Variants in CYRIA observed in about 807,000 individuals in gnomAD.
CYRIA encodes CYFIP related Rac1 interactor A, also known as CYFIP-related Rac1 interactor A.
A neutral mutation model predicts 43.9 loss-of-function variants in CYRIA; 15 were observed. The ratio of observed to expected loss-of-function variants is 0.34; its 90% CI spans 0.23 to 0.53. The LOEUF is 0.53. CYRIA is among the 20% of genes least tolerant of loss of function. The probability of loss-of-function intolerance (pLI) is 0.94; values close to 1 mark genes in which losing one functional copy is unlikely to be tolerated. For synonymous variants in CYRIA, 117 were observed against 136.0 expected, an observed-to-expected ratio of 0.86 and a Z score of 0.97; for missense variants, 236 against 394.2, an observed-to-expected ratio of 0.60 and a Z score of 3.40.
chr2:16,655,303 C>T (rs1670082039), intron 1 of CYRIA, among the ~76,000 whole-genome samples: 1 of 152,168 alleles, frequency 6.6e-6, no homozygotes, highest in Admixed American at 6.5e-5. Context: ...CTTGCCTCAC[C>T]AACCCAGGAA....
At chr2:16,572,615 A>G (rs1667174692) in intron 3 of CYRIA, among the ~76,000 whole-genome samples, 2 of 152,188 alleles carry the variant, frequency 1.3e-5, no homozygotes, top group African/African-American at 4.8e-5. Flanking sequence ...ATCTGACTCA[A>G]CACCCTTGTT....
At chr2:16,627,550 T>C (rs1016068876) in intron 1 of CYRIA, among the ~76,000 whole-genome samples, 5 of 152,224 alleles carry the variant, frequency 3.3e-5, no homozygotes, top group African/African-American at 1.2e-4. Flanking sequence ...AAGAGGTAAC[T>C]GAGGCACAAA....
intron 10 of CYRIA, 111 bp downstream of exon 10, chr2:16,559,349 T>C: frequency 7.7e-7 from 1 of 1,306,256 alleles, no homozygotes; most frequent in Non-Finnish European, 1.0e-6. Flanking sequence ...CTGTGCATCT[T>C]AGAAAGATCA....
intron 3 of CYRIA, among the ~76,000 whole-genome samples, chr2:16,587,161 T>C (rs1344223322): frequency 6.6e-6 from 1 of 152,110 alleles, no homozygotes; most frequent in Non-Finnish European, 1.5e-5. Flanking sequence ...AAATAATACA[T>C]AAAGAATAAA....
intron 2 of CYRIA, among the ~76,000 whole-genome samples, chr2:16,621,821 T>C (rs533119634): frequency 1.3e-5 from 2 of 152,312 alleles, no homozygotes; most frequent in South Asian, 2.1e-4. Context: ...CTTTATTTTT[T>C]TCTGCTTTAT....
At chr2:16,652,367 G>A (rs1669998844) in intron 1 of CYRIA, among the ~76,000 whole-genome samples, 1 of 152,166 alleles carries the variant, frequency 6.6e-6, no homozygotes, top group African/African-American at 2.4e-5. Context: ...GATACGAGGT[G>A]GGAGCTGGCA....
chr2:16,611,859 C>T (rs1160234104), intron 2 of CYRIA, among the ~76,000 whole-genome samples: 1 of 152,074 alleles, frequency 6.6e-6, no homozygotes, highest in Non-Finnish European at 1.5e-5. Flanking sequence ...CTGTGAAAGC[C>T]AAGCCATTGC....
chr2:16,658,111 T>C lies in CYRIA; in HGVS notation c.-167+7669A>G, dbSNP rs566266683. The stretch of plus-strand genomic sequence containing the variant: ...ATAAGGAGATTGATCATATAGTGCA[T>C]GTACAGTGCTTGATGCTGATGAGAA... On this transcript the variant is annotated intron_variant, in intron 1 of 11. Coordinates refer to ENST00000381323, the MANE Select transcript of CYRIA (RefSeq NM_030797.4). Among the ~76,000 whole-genome samples, 6 of 152,340 alleles carry C rather than the reference T, an allele frequency of 3.9e-5. No homozygotes were observed. In the East Asian group the frequency reaches 1.2e-3, roughly 29 times the overall value.
chr2:16,627,833 C>A (rs1271718618), intron 1 of CYRIA, among the ~76,000 whole-genome samples: 1 of 152,164 alleles, frequency 6.6e-6, no homozygotes, highest in Non-Finnish European at 1.5e-5. Flanking sequence ...TCAGGCAACA[C>A]CAGTAAATGA....
chr2:16,655,030 T>C (rs1436570214), intron 1 of CYRIA, among the ~76,000 whole-genome samples: 1 of 152,174 alleles, frequency 6.6e-6, no homozygotes, highest in Non-Finnish European at 1.5e-5. Context: ...AGGTTGAGCA[T>C]GTAGTGTGAA....
intron 1 of CYRIA, among the ~76,000 whole-genome samples, chr2:16,624,752 A>C (rs1048393222): frequency 1.3e-5 from 2 of 152,212 alleles, no homozygotes; most frequent in East Asian, 3.8e-4. Flanking sequence ...AGAAAACCAA[A>C]TCATAGAAAA....
chr2:16,590,641 C>T (rs1667898909), intron 2 of CYRIA, among the ~76,000 whole-genome samples: 1 of 152,086 alleles, frequency 6.6e-6, no homozygotes, highest in Non-Finnish European at 1.5e-5. Flanking sequence ...GGAATTCTGT[C>T]TCTTCAAAAG....
chr2:16,651,801 C>T (rs1020314063), intron 1 of CYRIA, among the ~76,000 whole-genome samples: 1 of 151,818 alleles, frequency 6.6e-6, no homozygotes, highest in African/African-American at 2.4e-5. Flanking sequence ...TTTAATTTCC[C>T]CATTTTAAAA....
At chr2:16,629,356 T>C (rs1232496394) in intron 1 of CYRIA, among the ~76,000 whole-genome samples, 3 of 152,238 alleles carry the variant, frequency 2.0e-5, no homozygotes, top group Non-Finnish European at 4.4e-5. Context: ...TGTTTTACTC[T>C]TTCCCTAAGA....
intron 1 of CYRIA, among the ~76,000 whole-genome samples, chr2:16,656,829 G>A (rs1359715458): frequency 6.6e-6 from 1 of 152,212 alleles, no homozygotes; most frequent in Non-Finnish European, 1.5e-5. Context: ...AGCAGCCAGT[G>A]AGACCTCGTG....
At chr2:16,565,347 C>T (rs1196944868) in intron 4 of CYRIA, among the ~76,000 whole-genome samples, 3 of 152,048 alleles carry the variant, frequency 2.0e-5, no homozygotes, top group African/African-American at 4.8e-5. Context: ...CCATGCCCAG[C>T]TAATTTTTTT....
chr2:16,609,665 A>C (rs140324212), intron 2 of CYRIA, among the ~76,000 whole-genome samples: 1 of 152,284 alleles, frequency 6.6e-6, no homozygotes, highest in Admixed American at 6.5e-5. Context: ...ATCATCATTT[A>C]TTTATGTGCC....
intron 11 of CYRIA, among the ~76,000 whole-genome samples, chr2:16,553,361 C>G (rs187444756): frequency 6.6e-6 from 1 of 152,032 alleles, no homozygotes; most frequent in African/African-American, 2.4e-5. Flanking sequence ...GCAACATTGC[C>G]CAGAACTGGA....
At chr2:16,619,826 T>A (rs574361089) in intron 2 of CYRIA, among the ~76,000 whole-genome samples, 1 of 152,284 alleles carries the variant, frequency 6.6e-6, no homozygotes, top group South Asian at 2.1e-4. Flanking sequence ...GACAGAGAAA[T>A]GAATGTTGGC....
Sources: gnomAD v4.1 joint callset for allele counts (sites outside exome capture counted in the v4.1 genomes callset) on GRCh38, gnomAD v4.1.1 for gene constraint, MANE v1.5 for transcripts, NCBI Gene and HGNC (gene_info 2026-07-23, HGNC 2026-07-21) for gene names.